The following GALNTL6 variants were observed in gnomAD, a reference collection of about 807,000 sequenced individuals.
GALNTL6 encodes polypeptide N-acetylgalactosaminyltransferase-like 6.
A neutral mutation model predicts 73.7 loss-of-function variants in GALNTL6; 46 were observed. That is an observed-to-expected ratio of 0.62 (90% CI 0.49 to 0.80). GALNTL6 has a LOEUF of 0.80. GALNTL6 is among the 30% of genes least tolerant of loss of function. The pLI is 0.00. For synonymous variants in GALNTL6, 259 were observed against 263.7 expected (o/e 0.98, Z 0.17); for missense variants, 604 against 755.0 (o/e 0.80, Z 2.34).
rs146821176 is a variant in GALNTL6 at position 171,912,856 on chromosome 4, G to A, written c.138+98138G>A. Among the ~76,000 whole-genome samples the A allele has an allele frequency of 2.6e-5, 4 of 152,188 alleles. No homozygotes were observed. In the East Asian group the frequency reaches 5.8e-4, roughly 22 times the overall value. ...AACATAATGATCTCCAGTTTCATTC[G>A]TGTTGCTGCAAATAACAGAAATTTA... On this transcript the variant is annotated intron_variant, in intron 2 of 12. Coordinates refer to ENST00000506823, the MANE Select transcript of GALNTL6 (RefSeq NM_001034845.3).
chr4:172,629,723 T>C (rs992160995), intron 5 of GALNTL6, among the ~76,000 whole-genome samples: 1 of 152,162 alleles, frequency 6.6e-6, no homozygotes, highest in African/African-American at 2.4e-5. Flanking sequence ...TAGGTATAGA[T>C]AGAAATGAAG....
chr4:172,519,835 A>C (rs1360353594), intron 5 of GALNTL6, among the ~76,000 whole-genome samples: 1 of 151,694 alleles, frequency 6.6e-6, no homozygotes, highest in East Asian at 1.9e-4. Flanking sequence ...CAAACTAATA[A>C]ATCTAATAGC....
intron 9 of GALNTL6, among the ~76,000 whole-genome samples, chr4:172,940,096 T>G (rs1056661863): frequency 2.6e-5 from 4 of 152,028 alleles, no homozygotes; most frequent in Non-Finnish European, 4.4e-5. Flanking sequence ...AGGTACAGCC[T>G]CTTGCCATTT....
At chr4:172,111,334 C>A (rs2110979591) in intron 2 of GALNTL6, among the ~76,000 whole-genome samples, 1 of 152,092 alleles carries the variant, frequency 6.6e-6, no homozygotes, top group Admixed American at 6.5e-5. Context: ...ATGTTCATGT[C>A]AATACTACAT....
chr4:171,850,257 AT>A (rs1735485662), intron 2 of GALNTL6, among the ~76,000 whole-genome samples: 1 of 152,142 alleles, frequency 6.6e-6, no homozygotes. Flanking sequence ...AAAATTTAAC[AT>A]TTAAATGTAT....
intron 5 of GALNTL6, among the ~76,000 whole-genome samples, chr4:172,804,140 T>A (rs1354010153): frequency 6.6e-6 from 1 of 152,180 alleles, no homozygotes; most frequent in Non-Finnish European, 1.5e-5. Context: ...CCAAGTAGAT[T>A]AAAAAAATTT....
chr4:172,148,045 AACTT>A (rs1418035382), intron 2 of GALNTL6, among the ~76,000 whole-genome samples: 1 of 152,162 alleles, frequency 6.6e-6, no homozygotes, highest in Non-Finnish European at 1.5e-5. Context: ...CTAAAGGAAT[AACTT>A]ACTCTCTTTA....
At chr4:172,516,824 A>G (rs774578290) in intron 5 of GALNTL6, among the ~76,000 whole-genome samples, 1 of 152,212 alleles carries the variant, frequency 6.6e-6, no homozygotes, top group Non-Finnish European at 1.5e-5. Flanking sequence ...AATGTGGTAT[A>G]TACATAAATG....
At chr4:171,891,192 A>T (rs1234649691) in intron 2 of GALNTL6, among the ~76,000 whole-genome samples, 1 of 152,196 alleles carries the variant, frequency 6.6e-6, no homozygotes, top group Non-Finnish European at 1.5e-5. Context: ...TACTTTAGAG[A>T]GTGAAGTCAT....
intron 2 of GALNTL6, among the ~76,000 whole-genome samples, chr4:171,926,650 T>A (rs1006068505): frequency 2.6e-5 from 4 of 152,126 alleles, no homozygotes; most frequent in Non-Finnish European, 5.9e-5. Context: ...AGCATTACTA[T>A]CTGTTGGATA....
intron 5 of GALNTL6, among the ~76,000 whole-genome samples, chr4:172,568,221 G>A (rs1358704832): frequency 6.6e-6 from 1 of 152,160 alleles, no homozygotes; most frequent in Non-Finnish European, 1.5e-5. Context: ...GGATGCTAAT[G>A]TTTCTTCTCT....
At chr4:172,112,893 G>A (rs567438844) in intron 2 of GALNTL6, among the ~76,000 whole-genome samples, 7 of 151,560 alleles carry the variant, frequency 4.6e-5, no homozygotes, top group Admixed American at 6.6e-5. Flanking sequence ...GTGGACCCTC[G>A]CCAGACACCA....
intron 3 of GALNTL6, among the ~76,000 whole-genome samples, chr4:172,230,967 T>C (rs949791520): frequency 1.3e-5 from 2 of 152,174 alleles, no homozygotes; most frequent in Non-Finnish European, 2.9e-5. Context: ...ACAGTCTTTT[T>C]TATTTTCTTG....
intron 2 of GALNTL6, among the ~76,000 whole-genome samples, chr4:172,097,158 C>T (rs190627573): frequency 2.0e-5 from 3 of 152,192 alleles, no homozygotes; most frequent in East Asian, 1.9e-4. Context: ...TGTTTTTGGT[C>T]GTATTACCCA....
intron 5 of GALNTL6, among the ~76,000 whole-genome samples, chr4:172,561,811 T>C (rs1007114138): frequency 2.6e-5 from 4 of 152,124 alleles, no homozygotes; most frequent in Non-Finnish European, 1.5e-5. Flanking sequence ...TTTTTATAGC[T>C]CCTCCAGAGA....
intron 2 of GALNTL6, among the ~76,000 whole-genome samples, chr4:172,024,723 G>A (rs1339091681): frequency 1.3e-5 from 2 of 151,906 alleles, no homozygotes; most frequent in African/African-American, 4.8e-5. Flanking sequence ...GAAGTAGGCT[G>A]TAGTACAAAA....
intron 3 of GALNTL6, among the ~76,000 whole-genome samples, chr4:172,238,216 T>G (rs1737305266): frequency 6.6e-6 from 1 of 152,206 alleles, no homozygotes; most frequent in Non-Finnish European, 1.5e-5. Context: ...ACAATATTCT[T>G]TCTGCCTATT....
At chr4:172,707,948 G>A (rs946513067) in intron 5 of GALNTL6, among the ~76,000 whole-genome samples, 1 of 152,252 alleles carries the variant, frequency 6.6e-6, no homozygotes, top group East Asian at 1.9e-4. Flanking sequence ...GAGAGCCAAA[G>A]CCAAGGTCTA....
chr4:172,355,874 G>A (rs1308532827), intron 5 of GALNTL6, among the ~76,000 whole-genome samples: 1 of 152,104 alleles, frequency 6.6e-6, no homozygotes, highest in Non-Finnish European at 1.5e-5. Flanking sequence ...ATTAATGGTT[G>A]ACTTTGACAG....
Sources: gnomAD v4.1 joint callset for allele counts (sites outside exome capture counted in the v4.1 genomes callset) on GRCh38, gnomAD v4.1.1 for gene constraint, MANE v1.5 for transcripts, NCBI Gene and HGNC (gene_info 2026-07-23, HGNC 2026-07-21) for gene names.